The following GALNTL6 variants were observed in gnomAD, a reference collection of about 807,000 sequenced individuals.
GALNTL6 encodes polypeptide N-acetylgalactosaminyltransferase like 6.
Under a neutral mutation model 73.7 loss-of-function variants are expected in GALNTL6, and 46 were observed. The observed-to-expected ratio is 0.62, with a 90% CI of 0.49 to 0.80. GALNTL6 has a LOEUF of 0.80. Among genes scored for constraint, GALNTL6 ranks in the 30% least tolerant of loss-of-function variants. The probability of loss-of-function intolerance (pLI) is 0.00; values close to 1 mark genes in which losing one functional copy is unlikely to be tolerated. For synonymous variants in GALNTL6, 259 were observed against 263.7 expected, an observed-to-expected ratio of 0.98 and a Z score of 0.17; for missense variants, 604 against 755.0, an observed-to-expected ratio of 0.80 and a Z score of 2.34.
chr4:172,079,136 T>C (rs982219337), intron 2 of GALNTL6, among the ~76,000 whole-genome samples: 3 of 152,128 alleles, frequency 2.0e-5, no homozygotes, highest in African/African-American at 7.2e-5. Flanking sequence ...TCACCATCTA[T>C]GTCTGATTAT....
intron 5 of GALNTL6, among the ~76,000 whole-genome samples, chr4:172,497,987 A>AT (rs1554030569): frequency 1.8e-4 from 11 of 61,240 alleles, no homozygotes; most frequent in Middle Eastern, 8.8e-3. Context: ...GGAATGTCAC[A>AT]TTTCTTTTTT....
chr4:172,465,441 C>T (rs1234199623), intron 5 of GALNTL6, among the ~76,000 whole-genome samples: 3 of 151,400 alleles, frequency 2.0e-5, no homozygotes, highest in Non-Finnish European at 4.4e-5. Context: ...AGAGCCACTG[C>T]ACTCCAGCTT....
chr4:172,330,259 T>A (rs762731228), intron 4 of GALNTL6, among the ~76,000 whole-genome samples: 1 of 152,180 alleles, frequency 6.6e-6, no homozygotes, highest in African/African-American at 2.4e-5. Flanking sequence ...CAAGACTCCA[T>A]GTAGCTCTGG....
intron 2 of GALNTL6, among the ~76,000 whole-genome samples, chr4:172,093,246 T>G (rs1732256352): frequency 6.6e-6 from 1 of 152,182 alleles, no homozygotes; most frequent in African/African-American, 2.4e-5. Flanking sequence ...ACGATAAGAT[T>G]TTCATCAACC....
intron 2 of GALNTL6, among the ~76,000 whole-genome samples, chr4:171,916,129 A>T (rs923649567): frequency 2.4e-4 from 36 of 152,220 alleles, no homozygotes; most frequent in Admixed American, 5.2e-4. Context: ...TTAAAAATTA[A>T]TTATTGATTA....
At chr4:172,693,095 G>A (rs1214563788) in intron 5 of GALNTL6, among the ~76,000 whole-genome samples, 2 of 152,146 alleles carry the variant, frequency 1.3e-5, no homozygotes, top group Non-Finnish European at 2.9e-5. Flanking sequence ...TTTATTTTTA[G>A]ATAATTAAAA....
At chr4:172,217,537 T>A (rs1736533444) in intron 2 of GALNTL6, among the ~76,000 whole-genome samples, 1 of 152,192 alleles carries the variant, frequency 6.6e-6, no homozygotes, top group African/African-American at 2.4e-5. Context: ...CTCAGCCACG[T>A]TTGTTCTACT....
intron 2 of GALNTL6, among the ~76,000 whole-genome samples, chr4:172,052,947 C>T (rs987822192): frequency 1.3e-5 from 2 of 152,082 alleles, no homozygotes; most frequent in African/African-American, 4.8e-5. Flanking sequence ...ACAATAGTTA[C>T]ATGAAGTTGT....
chr4:172,267,995 A>G (rs1202192117), intron 3 of GALNTL6, among the ~76,000 whole-genome samples: 2 of 152,170 alleles, frequency 1.3e-5, no homozygotes, highest in African/African-American at 4.8e-5. Context: ...TAAGGGTCAT[A>G]TTACCTTCTG....
At chr4:171,970,067 G>A (rs1739518531) in intron 2 of GALNTL6, among the ~76,000 whole-genome samples, 1 of 152,232 alleles carries the variant, frequency 6.6e-6, no homozygotes, top group African/African-American at 2.4e-5. Flanking sequence ...CACTGCATCA[G>A]GCCCAAACCA....
At chr4:172,355,659 AG>A (rs1742123248) in intron 5 of GALNTL6, among the ~76,000 whole-genome samples, 1 of 152,094 alleles carries the variant, frequency 6.6e-6, no homozygotes, top group Non-Finnish European at 1.5e-5. Flanking sequence ...TATATTGAAA[AG>A]TTTTCTGACT....
chr4:172,677,047 C>A (rs1732342136), intron 5 of GALNTL6, among the ~76,000 whole-genome samples: 1 of 152,190 alleles, frequency 6.6e-6, no homozygotes, highest in African/African-American at 2.4e-5. Flanking sequence ...GATCAACTTA[C>A]TACTGTCCTT....
chr4:172,521,019 G>GA (rs1389939492), intron 5 of GALNTL6, among the ~76,000 whole-genome samples: 2 of 151,882 alleles, frequency 1.3e-5, no homozygotes, highest in African/African-American at 2.4e-5. Context: ...GAGTTTAGAG[G>GA]AAAAAGTGAA....
intron 5 of GALNTL6, among the ~76,000 whole-genome samples, chr4:172,480,919 G>GCC (rs983305164): frequency 3.9e-5 from 6 of 152,166 alleles, no homozygotes; most frequent in African/African-American, 1.4e-4. Flanking sequence ...AGCACACAAT[G>GCC]CCCCTTGGGC....
chr4:172,538,400 C>A (rs1177421751), intron 5 of GALNTL6, among the ~76,000 whole-genome samples: 1 of 152,030 alleles, frequency 6.6e-6, no homozygotes, highest in Non-Finnish European at 1.5e-5. Context: ...GCAGAGCTTG[C>A]AAAGAGCCAA....
intron 2 of GALNTL6, among the ~76,000 whole-genome samples, chr4:171,940,402 G>A (rs1305804788): frequency 1.3e-5 from 2 of 152,078 alleles, no homozygotes; most frequent in South Asian, 2.1e-4. Context: ...ACATATAGTG[G>A]TTGTTGAATG....
At chr4:172,115,202 A>G (rs1459873164) in intron 2 of GALNTL6, among the ~76,000 whole-genome samples, 1 of 152,142 alleles carries the variant, frequency 6.6e-6, no homozygotes, top group Non-Finnish European at 1.5e-5. Flanking sequence ...TGAATACCAA[A>G]GGCCTTGTCC....
chr4:172,897,929 T>C (rs941558483), intron 8 of GALNTL6, among the ~76,000 whole-genome samples: 16 of 152,202 alleles, frequency 1.1e-4, no homozygotes, highest in Admixed American at 9.2e-4. Context: ...AAAGAAATAA[T>C]TCAAGCTTTC....
intron 2 of GALNTL6, among the ~76,000 whole-genome samples, chr4:171,996,006 A>G (rs1740475210): frequency 6.6e-6 from 1 of 152,090 alleles, no homozygotes; most frequent in Non-Finnish European, 1.5e-5. Context: ...TTTTCCATTA[A>G]GATTCATTTT....
Sources: gnomAD v4.1 joint callset for allele counts (sites outside exome capture counted in the v4.1 genomes callset) on GRCh38, gnomAD v4.1.1 for gene constraint, MANE v1.5 for transcripts, NCBI Gene and HGNC (gene_info 2026-07-23, HGNC 2026-07-21) for gene names.